Variants in KANSL1 observed in about 807,000 individuals in gnomAD.
KANSL1 encodes the protein MLL1/MLL complex subunit KANSL1.
In KANSL1, 22 loss-of-function variants were observed where a neutral mutation model predicts 103.6. The observed-to-expected ratio is 0.21, with a 90% CI of 0.15 to 0.30. The LOEUF is 0.30. Ranked by LOEUF, KANSL1 falls within the 10% of genes least tolerant of loss-of-function variation. The pLI is 1.00. For synonymous variants in KANSL1, 600 were observed against 527.6 expected, an observed-to-expected ratio of 1.14 and a Z score of -1.88; for missense variants, 1,337 against 1,399.8, an observed-to-expected ratio of 0.96 and a Z score of 0.72.
intron 1 of KANSL1, among the ~76,000 whole-genome samples, chr17:46,208,317 T>C (rs2668671): frequency 0.12 from 18,252 of 151,882 alleles, 1 homozygote; most frequent in Non-Finnish European, 0.18. Context: ...AAGAGATATA[T>C]AGTACTCCAA....
At chr17:46,182,563 C>T (rs2046841933) in intron 1 of KANSL1, among the ~76,000 whole-genome samples, 1 of 152,190 alleles carries the variant, frequency 6.6e-6, no homozygotes, top group Non-Finnish European at 1.5e-5. Context: ...ACTGAAAAAG[C>T]TTTATATTAC....
chr17:46,113,012 G>A (rs2042889841), intron 2 of KANSL1, among the ~76,000 whole-genome samples: 1 of 152,156 alleles, frequency 6.6e-6, no homozygotes, highest in Non-Finnish European at 1.5e-5. Context: ...TGAGCCACCA[G>A]GCCCGGCCGG....
chr17:46,180,626 C>A (rs2046742745), intron 1 of KANSL1, among the ~76,000 whole-genome samples: 1 of 152,196 alleles, frequency 6.6e-6, no homozygotes, highest in African/African-American at 2.4e-5. Flanking sequence ...GCAGAGGCTG[C>A]AATGAGCTAA....
intron 2 of KANSL1, among the ~76,000 whole-genome samples, chr17:46,147,689 C>T (rs1169510843): frequency 6.7e-6 from 1 of 150,304 alleles, no homozygotes; most frequent in Non-Finnish European, 1.5e-5. Context: ...ACCAACTTAA[C>T]AAATATTTCA....
At chr17:46,114,841 T>G (rs985076879) in intron 2 of KANSL1, among the ~76,000 whole-genome samples, 2 of 152,220 alleles carry the variant, frequency 1.3e-5, no homozygotes, top group Non-Finnish European at 2.9e-5. Flanking sequence ...AACAGAAATG[T>G]TCATTTCTTC....
At chr17:46,155,261 G>A (rs866058668) in intron 2 of KANSL1, among the ~76,000 whole-genome samples, 6 of 148,984 alleles carry the variant, frequency 4.0e-5, no homozygotes, top group South Asian at 2.1e-4. Flanking sequence ...GGGTTCAAGC[G>A]ATTCTCCTGC....
chr17:46,218,989 G>A (rs2942187), intron 1 of KANSL1, among the ~76,000 whole-genome samples: 18,510 of 149,696 alleles, frequency 0.12, 22 homozygotes, highest in Middle Eastern at 0.19. Context: ...GGCCGGGCAC[G>A]GTGGCTCATG....
chr17:46,034,765 T>G (rs188427302), intron 10 of KANSL1: 1 of 160,876 alleles, frequency 6.2e-6, no homozygotes, highest in Non-Finnish European at 1.3e-5. Context: ...TCATCTAACC[T>G]TGGTTGTCAT....
chr17:46,213,475 T>C (rs1435504557), intron 1 of KANSL1, among the ~76,000 whole-genome samples: 1 of 150,956 alleles, frequency 6.6e-6, no homozygotes. Flanking sequence ...TAATTTTTTT[T>C]TTTTTTTTTT....
chr17:46,171,916 T>C lies in KANSL1; in HGVS notation c.228A>G (p.Gln76=), dbSNP rs1018528687. 9 of 1,614,156 alleles carry C rather than the reference T, an allele frequency of 5.6e-6. No homozygotes were observed. Among genetic ancestry groups the C allele is most frequent in the African/African-American group, 5.3e-5 (4 of 74,952 alleles). Residue 76 remains glutamine, a synonymous_variant, in exon 2 of 15, where the codon CAA becomes CAG. Coordinates refer to ENST00000432791, the MANE Select transcript of KANSL1 (RefSeq NM_015443.4). ...AGCAGAGATAAGATGCCACCAGTGG[T>C]TGCAGCTTTCCCAAGTCTTCCTTGG... ...NPTKEDLGKL[Q]PLVASYLCSD... is the part of the protein sequence containing the mutation.
Position 46,031,494 on chromosome 17 carries a change from C to T in KANSL1, c.3300G>A (p.Gln1100=), listed in dbSNP as rs765828427. The change falls in exon 15 of 15, where the codon CAG becomes CAA. Residue 1100 remains glutamine, a synonymous_variant. Transcript: ENST00000432791. ...CTCCCGCTCATCTGTGAGTCGGGCG[C>T]TGAGCTGTGGCTGCTGCCACCAGAT... ...SRHLVAAATA[Q]RPTHR The T allele has an allele frequency of 1.2e-5, 19 of 1,612,226 alleles. No homozygotes were observed. The South Asian group carries it at 1.8e-4, about 15-fold the overall frequency.
chr17:46,174,117 G>C (rs1195410791), intron 1 of KANSL1, among the ~76,000 whole-genome samples: 1 of 152,208 alleles, frequency 6.6e-6, no homozygotes. Flanking sequence ...GCAAAGATTA[G>C]TGTTTTTGAA....
At chr17:46,149,021 G>A (rs564418868) in intron 2 of KANSL1, among the ~76,000 whole-genome samples, 1 of 74,162 alleles carries the variant, frequency 1.3e-5, no homozygotes, top group South Asian at 4.2e-4. Context: ...TTTTTTTTTT[G>A]AGACGGAGTC....
In KANSL1 at chr17:46,154,183, C is replaced by T. The variant is rs150111585; in HGVS notation, c.1289+16672G>A. On this transcript the variant is annotated intron_variant, in intron 2 of 14. Coordinates refer to ENST00000432791, the MANE Select transcript of KANSL1 (RefSeq NM_015443.4). ...AAGCACTGGTTCGCACACCTCTCTCCACCCCAGTTAAGCTGTGGAAAGCTG... is the reference window on the plus strand; with the variant it reads ...AAGCACTGGTTCGCACACCTCTCTCTACCCCAGTTAAGCTGTGGAAAGCTG... Among the ~76,000 whole-genome samples, 85 of 152,314 alleles carry T rather than the reference C, an allele frequency of 5.6e-4. 1 individual carries two copies. Among genetic ancestry groups the T allele is most frequent in the African/African-American group, 1.9e-3 (81 of 41,542 alleles).
intron 4 of KANSL1, among the ~76,000 whole-genome samples, chr17:46,079,645 A>G (rs757421788): frequency 6.6e-5 from 10 of 152,190 alleles, no homozygotes; most frequent in Non-Finnish European, 1.0e-4. Flanking sequence ...GGCCACCATC[A>G]TGATTCCCTT....
chr17:46,151,505 C>CT (rs1317294473), intron 2 of KANSL1, among the ~76,000 whole-genome samples: 9 of 152,304 alleles, frequency 5.9e-5, no homozygotes, highest in Non-Finnish European at 1.3e-4. Flanking sequence ...AGGCTCTTTC[C>CT]TTTTTATATC....
Position 46,098,147 on chromosome 17 carries a change from C to T in KANSL1, c.1290-3446G>A, listed in dbSNP as rs991811722. On this transcript the variant is annotated intron_variant, in intron 2 of 14. Transcript: ENST00000432791. ...AAGAGATCAATAAGAAACTAGGGAT[C>T]ATTCTTGAACAACAAAAATGCCCCC... 6.7e-5 allele frequency among the ~76,000 whole-genome samples: 10 copies of T among 149,870 alleles called. 1 individual carries two copies. Among genetic ancestry groups the T allele is most frequent in the African/African-American group, 2.0e-4 (8 of 39,196 alleles).
intron 4 of KANSL1, among the ~76,000 whole-genome samples, chr17:46,068,489 G>C (rs1356247068): frequency 1.3e-5 from 2 of 152,064 alleles, no homozygotes; most frequent in African/African-American, 2.4e-5. Flanking sequence ...AGGATCACCT[G>C]AGCCAGGAGG....
At chr17:46,038,753 C>T (rs370029983) in intron 9 of KANSL1, 67 bp from the exon 10 acceptor site, 19 of 1,590,208 alleles carry the variant, frequency 1.2e-5, no homozygotes, top group Admixed American at 3.4e-5. Context: ...CTAACACAAG[C>T]TTGGAATGGC....
Sources: gnomAD v4.1 joint callset for allele counts (sites outside exome capture counted in the v4.1 genomes callset) on GRCh38, gnomAD v4.1.1 for gene constraint, MANE v1.5 for transcripts, NCBI Gene and HGNC (gene_info 2026-07-23, HGNC 2026-07-21) for gene names.